Variants in CPSF4L observed in about 807,000 individuals in gnomAD.
CPSF4L encodes the protein putative cleavage and polyadenylation specificity factor subunit 4-like protein.
A neutral mutation model predicts 24.0 loss-of-function variants in CPSF4L; 18 were observed. That is an observed-to-expected ratio of 0.75 (90% confidence interval 0.52 to 1.11). CPSF4L has a LOEUF of 1.11. Ranked by LOEUF, CPSF4L falls within the 50% of genes least tolerant of loss-of-function variation. The pLI, the probability that CPSF4L is intolerant of heterozygous loss-of-function variation, is 0.00. For missense variants in CPSF4L, 211 were observed against 221.8 expected, an observed-to-expected ratio of 0.95 and a Z score of 0.31; for synonymous variants, 72 against 77.2, an observed-to-expected ratio of 0.93 and a Z score of 0.35.
At chr17:73,242,416 C>A in the CPSF4L span, 1 of 1,144,914 alleles carries the variant, frequency 8.7e-7, no homozygotes, top group Non-Finnish European at 1.2e-6. Flanking sequence ...AGTTTCTCTT[C>A]GGGCTGTTAA....
intron 5 of CPSF4L, chr17:73,251,203 G>T: frequency 7.6e-7 from 1 of 1,313,922 alleles, no homozygotes; most frequent in Non-Finnish European, 9.9e-7. Flanking sequence ...TGCATTTAGG[G>T]TGAAACCAGG....
chr17:73,258,141 C>G (rs2062030738), intron 2 of CPSF4L, among the ~76,000 whole-genome samples: 1 of 152,048 alleles, frequency 6.6e-6, no homozygotes, highest in African/African-American at 2.4e-5. Flanking sequence ...TCCTGAGTAG[C>G]TGGGACTACA....
Position 73,261,745 on chromosome 17 carries a change from G to T in CPSF4L, c.74C>A (p.Thr25Asn), listed in dbSNP as rs1415221508. The change falls in exon 1 of 6, where the codon ACT (threonine) becomes AAT (asparagine). Residue 25 changes from threonine to asparagine, a missense_variant. Physicochemically the swap from Thr to Asn is moderately conservative, Grantham distance 65. Coordinates refer to ENST00000344935, the MANE Select transcript of CPSF4L (RefSeq NM_001129885.1). ...CATGCCCTGGAAAGGCAGGAGCCCA[G>T]TGCCCTTCTGCATCTCGACATCCTT... Reference protein sequence around the residue: ...FEKDVEMQKGTGLLPFQGMDK... With the variant: ...FEKDVEMQKGNGLLPFQGMDK... 6.4e-7 allele frequency: 1 copy of T among 1,551,234 alleles called. No homozygotes were observed. Among genetic ancestry groups the T allele is most frequent in the Non-Finnish European group, 8.7e-7 (1 of 1,146,496 alleles).
intron 5 of CPSF4L, 60 bp downstream of exon 5, chr17:73,252,570 G>T: frequency 9.6e-7 from 1 of 1,039,164 alleles, no homozygotes; most frequent in Non-Finnish European, 1.5e-6. Flanking sequence ...GAAAGATCTA[G>T]AACTAGAAGG....
Position 73,261,665 on chromosome 17 carries a change from A to G in CPSF4L, c.103+51T>C, listed in dbSNP as rs72849296. 7 of 1,268,192 alleles carry G rather than the reference A, an allele frequency of 5.5e-6. No individual in the cohort carries two copies. The African/African-American group carries it at 6.0e-5, about 11-fold the overall frequency. 78.6% of individuals were successfully genotyped at this position (1,268,192 alleles called of 1,614,324 possible). On this transcript the variant is annotated intron_variant, in intron 1 of 5. Transcript: ENST00000344935. ...TACAGAGCGAGACTCCGTCTCAAAG[A>G]AAAAAAAACAGAGAAGGTAGGGGAG...
downstream of CPSF4L, chr17:73,248,192 C>T: frequency 2.8e-6 from 1 of 359,434 alleles, no homozygotes; most frequent in Non-Finnish European, 5.1e-6. Flanking sequence ...ACAGCCAGTT[C>T]CAATCATGTA....
chr17:73,257,356 G>T (rs1014101920), intron 3 of CPSF4L, among the ~76,000 whole-genome samples: 1 of 152,044 alleles, frequency 6.6e-6, no homozygotes, highest in African/African-American at 2.4e-5. Context: ...CGGGGCCTGA[G>T]AGATGGCTCA....
chr17:73,243,041 C>A, the CPSF4L span: 1 of 1,503,478 alleles, frequency 6.7e-7, no homozygotes, highest in Non-Finnish European at 9.2e-7. Flanking sequence ...ATAACAGGTC[C>A]CATTCCGTTA....
At chr17:73,262,762 A>G (rs1253975794), upstream of CPSF4L, among the ~76,000 whole-genome samples, 13 of 152,088 alleles carry the variant, frequency 8.5e-5, no homozygotes, top group Admixed American at 8.5e-4. Flanking sequence ...TCTCAGTCAC[A>G]TTGGCTTTTA....
downstream of CPSF4L, chr17:73,247,383 A>G (rs1599405746): frequency 6.3e-7 from 1 of 1,598,380 alleles, no homozygotes; most frequent in East Asian, 2.2e-5. Flanking sequence ...ACTTCTCTCT[A>G]GTGCCTTCGT....
chr17:73,258,167 G>A (rs938212181), intron 2 of CPSF4L, among the ~76,000 whole-genome samples: 23 of 152,042 alleles, frequency 1.5e-4, no homozygotes, highest in African/African-American at 5.1e-4. Context: ...CAGCCACCAC[G>A]CCCTGCTAAT....
chr17:73,261,627 C>T (rs1568333492), intron 1 of CPSF4L, 89 bp downstream of exon 1: 2 of 917,456 alleles, frequency 2.2e-6, no homozygotes, highest in African/African-American at 3.3e-5. Context: ...TGCCACTACA[C>T]TCCAGCCTGG....
Position 73,250,826 on chromosome 17 carries a change from G to T in CPSF4L, c.497+1804C>A, listed in dbSNP as rs112949941. 3.5e-3 allele frequency: 1,979 copies of T among 570,196 alleles called. 37 individuals carry two copies. Among genetic ancestry groups the T allele is most frequent in the African/African-American group, 0.033 (1,772 of 53,372 alleles). The allele number at this position is 570,196 out of a possible 1,614,324, so 35.3% of individuals were successfully genotyped here. A position where few individuals can be genotyped will look rare whatever the true frequency, so the allele number is the denominator to read the frequency against. On this transcript the variant is annotated intron_variant, in intron 5 of 5. Transcript: ENST00000344935. ...TCTTGTCTAGCAGGAGATGCCAACA[G>T]GATGGTTTACAGTATCCTCTCATTC...
chr17:73,261,821 T>C lies in CPSF4L; in HGVS notation c.-3A>G. ...AGCCCCGCAATGACCTCTTGCATCTTCCGTCTCCTGCTGGGGCTGCGGAAG... is the reference window on the plus strand; with the variant it reads ...AGCCCCGCAATGACCTCTTGCATCTCCCGTCTCCTGCTGGGGCTGCGGAAG... On this transcript the variant is annotated 5_prime_UTR_variant, in exon 1 of 6. Transcript: ENST00000344935. 6.4e-7 allele frequency: 1 copy of C among 1,550,766 alleles called. No homozygotes were observed. The highest frequency in any genetic ancestry group is 1.7e-4 in the Middle Eastern group (1 of 5,992).
the CPSF4L span, chr17:73,242,435 A>G: frequency 1.1e-6 from 1 of 878,942 alleles, no homozygotes. Flanking sequence ...AAGCAAGGCT[A>G]AAGAGGAGAG....
upstream of CPSF4L, chr17:73,262,166 C>T (rs966826343): frequency 8.9e-6 from 2 of 224,100 alleles, no homozygotes; most frequent in African/African-American, 4.5e-5. Context: ...CATTACCAAA[C>T]CTGGGCTCAT....
chr17:73,260,370 C>A (rs2062040422), intron 2 of CPSF4L, among the ~76,000 whole-genome samples: 1 of 152,168 alleles, frequency 6.6e-6, no homozygotes, highest in South Asian at 2.1e-4. Flanking sequence ...CTGATGCGAA[C>A]TGCAAACTAT....
chr17:73,254,152 C>T, intron 3 of CPSF4L, 126 bp from the exon 4 acceptor site: 1 of 695,340 alleles, frequency 1.4e-6, no homozygotes, highest in Admixed American at 2.4e-5. Context: ...GAGTCACCAG[C>T]TTTTTGAAGA....
intron 3 of CPSF4L, among the ~76,000 whole-genome samples, chr17:73,257,359 A>G (rs1010429307): frequency 2.6e-5 from 4 of 151,920 alleles, no homozygotes; most frequent in African/African-American, 9.7e-5. Context: ...GGCCTGAGAG[A>G]TGGCTCATTT....
Sources: gnomAD v4.1 joint callset for allele counts (sites outside exome capture counted in the v4.1 genomes callset) on GRCh38, gnomAD v4.1.1 for gene constraint, MANE v1.5 for transcripts, NCBI Gene and HGNC (gene_info 2026-07-23, HGNC 2026-07-21) for gene names.